The following METAP1D variants were observed in gnomAD, a reference collection of about 807,000 sequenced individuals.
METAP1D encodes the protein methionine aminopeptidase 1D, mitochondrial.
METAP1D carries 31 observed loss-of-function variants against 40.5 expected under a neutral mutation model. That is an observed-to-expected ratio of 0.77 (90% CI 0.58 to 1.03). METAP1D has a LOEUF of 1.03. Ranked by LOEUF, METAP1D falls within the 50% of genes least tolerant of loss-of-function variation. The pLI, the probability that METAP1D is intolerant of heterozygous loss-of-function variation, is 0.00. For missense variants in METAP1D, 411 were observed against 420.7 expected (o/e 0.98, Z 0.20); for synonymous variants, 151 against 146.4 (o/e 1.03, Z -0.22).
intron 1 of METAP1D, among the ~76,000 whole-genome samples, chr2:172,002,658 T>C (rs966623570): frequency 1.3e-5 from 2 of 152,142 alleles, no homozygotes; most frequent in Non-Finnish European, 2.9e-5. Flanking sequence ...TACCCATAGC[T>C]AGTTTTAAAT....
chr2:172,037,719 C>T (rs1689427983), intron 1 of METAP1D, among the ~76,000 whole-genome samples: 1 of 152,174 alleles, frequency 6.6e-6, no homozygotes, highest in Admixed American at 6.5e-5. Flanking sequence ...GGGTTCTGAA[C>T]ACTTAATATC....
chr2:172,045,813 G>GTATATA lies in METAP1D; in HGVS notation c.41-15684_41-15683insATATAT, dbSNP rs1343452255. Among the ~76,000 whole-genome samples, 27 of 39,372 alleles carry GTATATA rather than the reference G, an allele frequency of 6.9e-4. 1 individual carries two copies. Among genetic ancestry groups the GTATATA allele is most frequent in the Non-Finnish European group, 9.9e-4 (20 of 20,226 alleles). 25.8% of individuals were successfully genotyped at this position (39,372 alleles called of 152,430 possible). A position where few individuals can be genotyped will look rare whatever the true frequency, so the allele number is the denominator to read the frequency against. On this transcript the variant is annotated intron_variant, in intron 1 of 9. Coordinates refer to ENST00000315796, the MANE Select transcript of METAP1D (RefSeq NM_199227.3). ...TATGTATATATGTGTGTGTGTGTGTGTGTGTGTATATATATATATATATAT... is the reference window on the plus strand; with the variant it reads ...TATGTATATATGTGTGTGTGTGTGTGTATATATGTGTGTATATATATATATATATAT...
At chr2:172,037,917 A>G (rs1689433607) in intron 1 of METAP1D, among the ~76,000 whole-genome samples, 1 of 152,208 alleles carries the variant, frequency 6.6e-6, no homozygotes, top group Non-Finnish European at 1.5e-5. Flanking sequence ...AAGTTGAAAG[A>G]AGCTGAAGCA....
intron 1 of METAP1D, among the ~76,000 whole-genome samples, chr2:172,036,311 T>C (rs578246092): frequency 2.5e-4 from 30 of 119,902 alleles, no homozygotes; most frequent in African/African-American, 8.5e-4. Flanking sequence ...AGCGAGACTC[T>C]GTCTCAAGAA....
chr2:172,070,277 C>G (rs965898845), intron 5 of METAP1D, among the ~76,000 whole-genome samples: 1 of 152,146 alleles, frequency 6.6e-6, no homozygotes, highest in Non-Finnish European at 1.5e-5. Context: ...ATAGTGCTTT[C>G]TGTTAACGTT....
At chr2:172,069,965 A>G (rs1690384447) in intron 5 of METAP1D, among the ~76,000 whole-genome samples, 1 of 152,196 alleles carries the variant, frequency 6.6e-6, no homozygotes, top group Admixed American at 6.5e-5. Flanking sequence ...TCATATAAAC[A>G]TCTTTTTTAT....
At chr2:172,034,140 G>A (rs932933654) in intron 1 of METAP1D, among the ~76,000 whole-genome samples, 5 of 150,200 alleles carry the variant, frequency 3.3e-5, no homozygotes, top group African/African-American at 4.9e-5. Flanking sequence ...ATTTACAGTT[G>A]AAATTATATG....
rs1559018366 is a variant in METAP1D at position 172,065,586 on chromosome 2, C to A, written c.349-18C>A. The A allele has an allele frequency of 3.1e-6, 5 of 1,611,076 alleles. No homozygotes were observed. Among genetic ancestry groups the A allele is most frequent in the Non-Finnish European group, 4.2e-6 (5 of 1,178,852 alleles). ...GTCTTCAATTGTTGCTGCACAATTT[C>A]TTTATTTAACATTTTAGGTTGACAT... On this transcript the variant is annotated intron_variant, in intron 3 of 9. Transcript: ENST00000315796.
At chr2:172,036,124 T>A (rs374618908) in intron 1 of METAP1D, among the ~76,000 whole-genome samples, 204 of 151,840 alleles carry the variant, frequency 1.3e-3, no homozygotes, top group Middle Eastern at 0.01. Flanking sequence ...AAGACCATCC[T>A]GGCTAACACG....
At position 172,016,303 on chromosome 2, in the gene METAP1D, ATATATATAT is replaced by A. The variant is rs1688861625; in HGVS notation, c.40+16295_40+16303del. On this transcript the variant is annotated intron_variant, in intron 1 of 9. Transcript: ENST00000315796. ...AAAAAAAAAAAAAAAAAAAAAAAAT[ATATATATAT>A]ATATATATATATATATATAAATAGT... Among the ~76,000 whole-genome samples the A allele has an allele frequency of 3.6e-3, 239 of 66,730 alleles. 1 individual carries two copies. The highest frequency in any genetic ancestry group is 5.8e-3 in the Non-Finnish European group (188 of 32,428). The allele number at this position is 66,730 out of a possible 152,430, so 43.8% of individuals were successfully genotyped here. A position where few individuals can be genotyped will look rare whatever the true frequency, so the allele number is the denominator to read the frequency against.
rs928280398 is a variant in METAP1D at position 171,999,986 on chromosome 2, G to C, written c.17G>C (p.Gly6Ala). ...GACGCCAACATGGCGGCGCCCAGTG[G>C]CGTCCACCTGCTCGTCCGCAGAGGT... Reference protein sequence around the residue: MAAPSGVHLLVRRGSH... With the variant: MAAPSAVHLLVRRGSH... The change falls in exon 1 of 10, where the codon GGC becomes GCC. Residue 6 changes from glycine (G) to alanine (A), a missense_variant. By Grantham distance (60) the Gly-to-Ala change is moderately conservative. Coordinates refer to ENST00000315796, the MANE Select transcript of METAP1D (RefSeq NM_199227.3). 30 of 1,347,390 alleles carry C rather than the reference G, an allele frequency of 2.2e-5. No individual in the cohort carries two copies. The highest frequency in any genetic ancestry group is 3.8e-5 in the Admixed American group (1 of 26,024). The allele number at this position is 1,347,390 out of a possible 1,614,324, so 83.5% of individuals were successfully genotyped here.
chr2:172,029,049 A>T (rs992752209), intron 1 of METAP1D, among the ~76,000 whole-genome samples: 6 of 152,230 alleles, frequency 3.9e-5, no homozygotes, highest in Non-Finnish European at 7.3e-5. Context: ...AAACCCAAAG[A>T]TACTGAGACT....
At chr2:172,037,881 G>T (rs1206370863) in intron 1 of METAP1D, among the ~76,000 whole-genome samples, 4 of 152,306 alleles carry the variant, frequency 2.6e-5, no homozygotes, top group South Asian at 4.1e-4. Context: ...TCAAGACAGA[G>T]ACTTACTTCC....
At chr2:172,045,952 C>T (rs548215584) in intron 1 of METAP1D, among the ~76,000 whole-genome samples, 13 of 142,536 alleles carry the variant, frequency 9.1e-5, no homozygotes, top group East Asian at 8.1e-4. Flanking sequence ...TGACCCTACT[C>T]TTGGGGCTCA....
chr2:172,001,192 A>C (rs996692586), intron 1 of METAP1D, among the ~76,000 whole-genome samples: 1 of 151,978 alleles, frequency 6.6e-6, no homozygotes, highest in African/African-American at 2.4e-5. Flanking sequence ...TGGTCACTCC[A>C]TAGAAGTCAG....
chr2:172,017,895 G>A (rs1371799978), intron 1 of METAP1D, among the ~76,000 whole-genome samples: 2 of 152,134 alleles, frequency 1.3e-5, no homozygotes, highest in African/African-American at 4.8e-5. Context: ...TTGGGAGGCT[G>A]AGGCGGGTGA....
chr2:172,049,814 C>A (rs1409730724), intron 1 of METAP1D, among the ~76,000 whole-genome samples: 5 of 152,180 alleles, frequency 3.3e-5, no homozygotes, highest in Non-Finnish European at 7.4e-5. Flanking sequence ...TTTCCTGAAG[C>A]ATTAGCTTTC....
chr2:172,068,066 A>G (rs1296231979), intron 5 of METAP1D, among the ~76,000 whole-genome samples: 1 of 152,194 alleles, frequency 6.6e-6, no homozygotes, highest in African/African-American at 2.4e-5. Context: ...TGTCCATAGT[A>G]GTTGCTCAAT....
In METAP1D at chr2:172,044,422, A is replaced by C. The variant is rs1183617042; in HGVS notation, c.41-17076A>C. On this transcript the variant is annotated intron_variant, in intron 1 of 9. Coordinates refer to ENST00000315796, the MANE Select transcript of METAP1D (RefSeq NM_199227.3). ...AAAAATACAAAAAAAAAAAAAAAAA[A>C]AAAACCCAAAACAAACAAAAAACCT... Among the ~76,000 whole-genome samples, 14 of 124,502 alleles carry C rather than the reference A, an allele frequency of 1.1e-4. 1 individual carries two copies. Among genetic ancestry groups the C allele is most frequent in the African/African-American group, 2.9e-4 (11 of 37,652 alleles). The allele number at this position is 124,502 out of a possible 152,430, so 81.7% of individuals were successfully genotyped here.
Sources: gnomAD v4.1 joint callset for allele counts (sites outside exome capture counted in the v4.1 genomes callset) on GRCh38, gnomAD v4.1.1 for gene constraint, MANE v1.5 for transcripts, NCBI Gene and HGNC (gene_info 2026-07-23, HGNC 2026-07-21) for gene names.